PDIA2: variants seen among roughly 807,000 people sequenced by gnomAD.
The protein encoded by PDIA2 is protein disulfide isomerase family A member 2.
In PDIA2, 76 loss-of-function variants were observed where a neutral mutation model predicts 51.1. The observed-to-expected ratio is 1.49, with a 90% CI of 1.24 to 1.80. PDIA2 has a LOEUF of 1.80. Ranked by LOEUF, PDIA2 falls within the 40% of genes most tolerant of loss-of-function variation. The pLI is 0.00. For missense variants in PDIA2, 946 were observed against 706.5 expected, an observed-to-expected ratio of 1.34 and a Z score of -3.84; for synonymous variants, 429 against 309.9, an observed-to-expected ratio of 1.38 and a Z score of -4.04.
chr16:284,617 G>A, intron 2 of PDIA2, 24 bp downstream of exon 2: 5 of 1,607,642 alleles, frequency 3.1e-6, no homozygotes, highest in South Asian at 1.1e-5. Context: ...CGGTCATTGG[G>A]GGGGCGGTGG....
chr16:283,619 G>T (rs550758534), intron 1 of PDIA2, among the ~76,000 whole-genome samples: 1 of 152,212 alleles, frequency 6.6e-6, no homozygotes. Context: ...CTCGGCCAGC[G>T]GCCACGGTGC....
chr16:284,237 G>A (rs895620542), intron 1 of PDIA2, 150 bp from the exon 2 acceptor site: 2 of 762,530 alleles, frequency 2.6e-6, no homozygotes, highest in Admixed American at 2.2e-5. Context: ...AGCCTGGGGG[G>A]CCACGAAGAG....
chr16:285,502 A>G lies in PDIA2; in HGVS notation c.922-4A>G. On this transcript the variant is annotated splice_polypyrimidine_tract_variant and splice_region_variant and intron_variant, in intron 6 of 10. Transcript: ENST00000219406. ...CCGGTGCCAGCATGGACTCCCTGCC[A>G]CAGGTGCTGTTCGTGGTGGTGGACG... 1.2e-6 allele frequency: 2 copies of G among 1,612,566 alleles called. No individual in the cohort carries two copies. The highest frequency in any genetic ancestry group is 1.7e-6 in the Non-Finnish European group (2 of 1,179,888).
At chr16:284,192 C>A in intron 1 of PDIA2, 195 bp from the exon 2 acceptor site, 1 of 625,626 alleles carries the variant, frequency 1.6e-6, no homozygotes, top group East Asian at 2.8e-5. Flanking sequence ...GGTGGTCTTT[C>A]AAGCTCTCCC....
chr16:286,517 C>T (rs201254399), intron 8 of PDIA2, 37 bp from the exon 9 acceptor site: 80 of 1,612,408 alleles, frequency 5.0e-5, no homozygotes, highest in African/African-American at 1.3e-5. Flanking sequence ...TGGGCAGGGG[C>T]TGCCCAGATG....
rs751357691 is a variant in PDIA2, at chr16:283,224, C to T, written c.55C>T (p.Pro19Ser). The T allele has an allele frequency of 6.2e-7, 1 of 1,609,062 alleles. No homozygotes were observed. The highest frequency in any genetic ancestry group is 2.2e-5 in the East Asian group (1 of 44,772). The stretch of plus-strand genomic sequence containing the variant: ...GCTGCTGCTGCTCAGGGCTTCGTGC[C>T]CATGGGGTCAGGAACAGGGAGCGAG... Reference protein sequence around the residue: ...LLLLLLRASCPWGQEQGARSP... With the variant: ...LLLLLLRASCSWGQEQGARSP... The change falls in exon 1 of 11, where the codon CCA (proline) becomes TCA (serine). Residue 19 changes from proline (P) to serine (S), a missense_variant. By Grantham distance (74) the Pro-to-Ser change is moderately conservative (BLOSUM62 -1). Coordinates refer to ENST00000219406, the MANE Select transcript of PDIA2 (RefSeq NM_006849.4).
chr16:286,687 G>GCACGGCTTC lies in PDIA2; in HGVS notation c.1376_1384dup (p.His459_Phe461dup), dbSNP rs1382165887. On this transcript the variant is annotated inframe_insertion, in exon 9 of 11. Transcript: ENST00000219406. ...CCAACGAGCTGGATGCCTTCGCTGTGCACGGCTTCCCTACTCTCAAGTACT... is the reference window on the plus strand; with the variant it reads ...CCAACGAGCTGGATGCCTTCGCTGTGCACGGCTTCCACGGCTTCCCTACTCTCAAGTACT... 1 of 1,612,480 alleles carries GCACGGCTTC rather than the reference G, an allele frequency of 6.2e-7. No individual in the cohort carries two copies. The highest frequency in any genetic ancestry group is 1.1e-5 in the South Asian group (1 of 90,704).
At chr16:284,318 G>C in intron 1 of PDIA2, 69 bp from the exon 2 acceptor site, 1 of 1,424,142 alleles carries the variant, frequency 7.0e-7, no homozygotes, top group South Asian at 1.2e-5. Context: ...TCCCTGCTGG[G>C]TTGTCAGGTG....
At position 286,560 on chromosome 16, in the gene PDIA2, C is replaced by A. The variant is rs562178952; in HGVS notation, c.1247C>A (p.Pro416Gln). The change falls in exon 9 of 11, where the codon CCG (proline) becomes CAG (glutamine). Residue 416 changes from proline (P) to glutamine (Q), a missense_variant. Coordinates refer to ENST00000219406, the MANE Select transcript of PDIA2 (RefSeq NM_006849.4). Reference protein sequence around the residue: ...TKNVFVKFYAPWCTHCKEMAP... With the variant: ...TKNVFVKFYAQWCTHCKEMAP... ...TCAACGGCTCCCATCCTAGATGCCC[C>A]GTGGTGCACCCACTGCAAGGAGATG... 4.5e-5 allele frequency: 73 copies of A among 1,612,788 alleles called. No homozygotes were observed. In the South Asian group the frequency reaches 7.6e-4, roughly 17 times the overall value.
At position 286,954 on chromosome 16, in the gene PDIA2, C is replaced by T. The variant is rs567099472; in HGVS notation, c.1533+9C>T. On this transcript the variant is annotated intron_variant, in intron 10 of 10. Coordinates refer to ENST00000219406, the MANE Select transcript of PDIA2 (RefSeq NM_006849.4). ...CAGCAGCCCCGTTCCCGGTGGGTGT[C>T]CCTAAGCCAGGGCTCCAGGCCTCTG... The T allele has an allele frequency of 2.4e-5, 38 of 1,603,756 alleles. No individual in the cohort carries two copies. The South Asian group carries it at 3.7e-4, about 15-fold the overall frequency.
intron 7 of PDIA2, 118 bp downstream of exon 7, chr16:285,821 C>T (rs2052350375): frequency 7.0e-6 from 8 of 1,150,394 alleles, no homozygotes; most frequent in Non-Finnish European, 9.8e-6. Flanking sequence ...GCAGAGGCCC[C>T]CCTCAACCCG....
In PDIA2 at chr16:285,788, A is replaced by AGCCCCCTGCCCCTGCAGGCCCCGCAGAG; in HGVS notation, c.1119+92_1119+119dup. On this transcript the variant is annotated intron_variant, in intron 7 of 10. Transcript: ENST00000219406. ...AGGGGGTGGGAACAGCAGCTCTCAG[A>AGCCCCCTGCCCCTGCAGGCCCCGCAGAG]GCCCCCTGCCCCTGCAGGCCCCGCA... is the stretch of plus-strand genomic sequence containing the variant. 10 of 1,441,338 alleles carry AGCCCCCTGCCCCTGCAGGCCCCGCAGAG rather than the reference A, an allele frequency of 6.9e-6. No individual in the cohort carries two copies. In the South Asian group the frequency reaches 1.1e-4, roughly 16 times the overall value. 89.3% of individuals were successfully genotyped at this position (1,441,338 alleles called of 1,614,324 possible). A position where few individuals can be genotyped will look rare whatever the true frequency, so the allele number is the denominator to read the frequency against.
Position 286,414 on chromosome 16 carries a change from T to C in PDIA2, c.1181T>C (p.Val394Ala). 6.2e-7 allele frequency: 1 copy of C among 1,612,150 alleles called. No homozygotes were observed. The highest frequency in any genetic ancestry group is 1.1e-5 in the South Asian group (1 of 91,006). ...GATCAGCGGCCAGTTAAGACCCTCG[T>C]GGGCAAGAATTTTGAGCAGGTGGCT... Reference protein sequence around the residue: ...DWDQRPVKTLVGKNFEQVAFD... With the variant: ...DWDQRPVKTLAGKNFEQVAFD... Residue 394 changes from valine (V) to alanine (A), a missense_variant, in exon 8 of 11, where the codon GTG becomes GCG. Physicochemically the swap from Val to Ala is moderately conservative, Grantham distance 64. Coordinates refer to ENST00000219406, the MANE Select transcript of PDIA2 (RefSeq NM_006849.4).
chr16:285,536 G>A lies in PDIA2; in HGVS notation c.952G>A (p.Asp318Asn), dbSNP rs548225140. Residue 318 changes from aspartate to asparagine, a missense_variant, in exon 7 of 11, where the codon GAC becomes AAC. Physicochemically the swap from Asp to Asn is conservative, Grantham distance 23 (BLOSUM62 1). Coordinates refer to ENST00000219406, the MANE Select transcript of PDIA2 (RefSeq NM_006849.4). Reference protein sequence around the residue: ...VLFVVVDVAADNEHVLQYFGL... With the variant: ...VLFVVVDVAANNEHVLQYFGL... ...GTTCGTGGTGGTGGACGTGGCGGCC[G>A]ACAATGAGCACGTGCTGCAGTACTT... is the stretch of plus-strand genomic sequence containing the variant. The A allele has an allele frequency of 5.0e-5, 80 of 1,612,920 alleles. No homozygotes were observed. In the East Asian group the frequency reaches 5.3e-4, roughly 11 times the overall value.
chr16:284,722 G>GACGGCGGGTGGGGCCCAGT lies in PDIA2; in HGVS notation c.470_471insACGGCGGGTGGGGCCCAGT (p.Leu158ArgfsTer77). On this transcript the variant is annotated frameshift_variant, in exon 3 of 11. Coordinates refer to ENST00000219406, the MANE Select transcript of PDIA2 (RefSeq NM_006849.4). LOFTEE classifies it high-confidence loss of function. The stretch of plus-strand genomic sequence containing the variant: ...CGGCGGGTGGGGCCCAGTGCCATGC[G>GACGGCGGGTGGGGCCCAGT]GCTGGAGGACGAGGCGGCCGCCCAG... 6.4e-7 allele frequency: 1 copy of GACGGCGGGTGGGGCCCAGT among 1,571,360 alleles called. No individual in the cohort carries two copies. The highest frequency in any genetic ancestry group is 1.1e-5 in the South Asian group (1 of 87,158).
chr16:286,850 A>C lies in PDIA2; in HGVS notation c.1438A>C (p.Ser480Arg). The C allele has an allele frequency of 6.2e-7, 1 of 1,610,350 alleles. No individual in the cohort carries two copies. Among genetic ancestry groups the C allele is most frequent in the Non-Finnish European group, 8.5e-7 (1 of 1,178,932 alleles). Residue 480 changes from serine to arginine, a missense_variant, in exon 10 of 11, where the codon AGC (serine) becomes CGC (arginine). Coordinates refer to ENST00000219406, the MANE Select transcript of PDIA2 (RefSeq NM_006849.4). The stretch of plus-strand genomic sequence containing the variant: ...CTCTTCTCAGGTGATTGAATACAAA[A>C]GCACCAGGGACCTGGAGACTTTCTC... ...GPGRKVIEYK[S>R]TRDLETFSKF...
At position 284,576 on chromosome 16, in the gene PDIA2, A is replaced by G; in HGVS notation, c.389A>G (p.His130Arg). The G allele has an allele frequency of 6.2e-7, 1 of 1,612,256 alleles. No individual in the cohort carries two copies. Among genetic ancestry groups the G allele is most frequent in the Non-Finnish European group, 8.5e-7 (1 of 1,179,686 alleles). The change falls in exon 2 of 11, where the codon CAC (histidine) becomes CGC (arginine). Residue 130 changes from histidine (H) to arginine (R), a missense_variant. Transcript: ENST00000219406. Reference sequence around the variant, plus strand: ...TTCTTCCGCAATGGGAACCGCACGCACCCGGAGGAGTACACAGGTGAGGGG... The same window carrying G: ...TTCTTCCGCAATGGGAACCGCACGCGCCCGGAGGAGTACACAGGTGAGGGG... ...LKFFRNGNRT[H>R]PEEYTGPRDA...
rs1471410426 is a variant in PDIA2, at chr16:286,478, G to C, written c.1240+5G>C. The C allele has an allele frequency of 6.2e-7, 1 of 1,613,308 alleles. No individual in the cohort carries two copies. Among genetic ancestry groups the C allele is most frequent in the Non-Finnish European group, 8.5e-7 (1 of 1,179,916 alleles). The stretch of plus-strand genomic sequence containing the variant: ...AGAATGTGTTTGTCAAGTTCTGTGA[G>C]TGTTGAGGGAGGCAGGGGTGGTGTG... On this transcript the variant is annotated splice_donor_5th_base_variant and intron_variant, in intron 8 of 10. Coordinates refer to ENST00000219406, the MANE Select transcript of PDIA2 (RefSeq NM_006849.4).
At position 284,587 on chromosome 16, in the gene PDIA2, T is replaced by A; in HGVS notation, c.400T>A (p.Tyr134Asn). The A allele has an allele frequency of 6.2e-7, 1 of 1,611,186 alleles. No individual in the cohort carries two copies. Among genetic ancestry groups the A allele is most frequent in the South Asian group, 1.1e-5 (1 of 90,786 alleles). ...RNGNRTHPEE[Y>N]TGPRDAEGIA... is the part of the protein sequence containing the mutation. Reference sequence around the variant, plus strand: ...TGGGAACCGCACGCACCCGGAGGAGTACACAGGTGAGGGGCAGGCCGGTCA... The same window carrying A: ...TGGGAACCGCACGCACCCGGAGGAGAACACAGGTGAGGGGCAGGCCGGTCA... The change falls in exon 2 of 11, where the codon TAC becomes AAC. Residue 134 changes from tyrosine (Y) to asparagine (N), a missense_variant. Coordinates refer to ENST00000219406, the MANE Select transcript of PDIA2 (RefSeq NM_006849.4).
Sources: gnomAD v4.1 joint callset for allele counts (sites outside exome capture counted in the v4.1 genomes callset) on GRCh38, gnomAD v4.1.1 for gene constraint, MANE v1.5 for transcripts, NCBI Gene and HGNC (gene_info 2026-07-23, HGNC 2026-07-21) for gene names.